APBB2: variants seen among roughly 807,000 people sequenced by gnomAD.
APBB2 encodes the protein amyloid beta precursor protein binding family B member 2, also known as Fe65-like 1.
Under a neutral mutation model 82.5 loss-of-function variants are expected in APBB2, and 38 were observed. That is an observed-to-expected ratio of 0.46 (90% CI 0.36 to 0.60). The LOEUF is 0.60. Among genes scored for constraint, APBB2 ranks in the 20% least tolerant of loss-of-function variants. The pLI is 0.00. For missense variants in APBB2, 772 were observed against 972.3 expected, an observed-to-expected ratio of 0.79 and a Z score of 2.74; for synonymous variants, 341 against 368.2, an observed-to-expected ratio of 0.93 and a Z score of 0.85.
At chr4:40,921,447 G>A (rs1425873568) in intron 10 of APBB2, among the ~76,000 whole-genome samples, 1 of 152,204 alleles carries the variant, frequency 6.6e-6, no homozygotes, top group Non-Finnish European at 1.5e-5. Context: ...AGAGCGACCA[G>A]CACACGGCTG....
intron 1 of APBB2, among the ~76,000 whole-genome samples, chr4:41,210,547 T>C (rs1779071014): frequency 2.0e-5 from 3 of 152,234 alleles, no homozygotes; most frequent in African/African-American, 7.2e-5. Context: ...GCATGCAGAA[T>C]ATGCACTAAT....
intron 3 of APBB2, among the ~76,000 whole-genome samples, chr4:41,099,017 T>A (rs966334838): frequency 6.6e-6 from 1 of 152,238 alleles, no homozygotes; most frequent in Non-Finnish European, 1.5e-5. Flanking sequence ...ACCTACAAAT[T>A]TCTATTTTTT....
At chr4:41,106,475 C>CTTTG (rs1250484003) in intron 2 of APBB2, among the ~76,000 whole-genome samples, 136 of 150,162 alleles carry the variant, frequency 9.1e-4, no homozygotes, top group African/African-American at 2.4e-3. Flanking sequence ...TTTTTTGTTT[C>CTTTG]TTTGTTTGTT....
At chr4:40,852,280 G>C (rs2154327086) in intron 12 of APBB2, among the ~76,000 whole-genome samples, 1 of 150,678 alleles carries the variant, frequency 6.6e-6, no homozygotes, top group East Asian at 2.0e-4. Flanking sequence ...GAACCCGGGA[G>C]GCGAAGGCTG....
intron 10 of APBB2, among the ~76,000 whole-genome samples, chr4:40,933,930 T>A (rs567511525): frequency 2.0e-5 from 3 of 152,354 alleles, no homozygotes; most frequent in Admixed American, 2.0e-4. Flanking sequence ...CTGGCTCTGT[T>A]AGCAACCTAC....
intron 10 of APBB2, among the ~76,000 whole-genome samples, chr4:40,894,435 T>C (rs1241751627): frequency 6.6e-6 from 1 of 152,118 alleles, no homozygotes; most frequent in Non-Finnish European, 1.5e-5. Flanking sequence ...GGTAAGCACC[T>C]AGAAACAGTG....
Position 41,021,117 on chromosome 4 carries a change from GC to G in APBB2, c.20-6720del, listed in dbSNP as rs1811367587. 2.6e-5 allele frequency among the ~76,000 whole-genome samples: 4 copies of G among 152,248 alleles called. No homozygotes were observed. In the South Asian group the frequency reaches 8.3e-4, roughly 32 times the overall value. Reference sequence around the variant, plus strand: ...CAAATTTGTTTCCTCTGGGATTGAGGCCGTCAAGCTACAGATGGTCTTACAA... The same window carrying G: ...CAAATTTGTTTCCTCTGGGATTGAGGCGTCAAGCTACAGATGGTCTTACAA... On this transcript the variant is annotated intron_variant, in intron 5 of 17. Transcript: ENST00000508593.
At chr4:40,958,410 T>G (rs1792234977) in intron 6 of APBB2, among the ~76,000 whole-genome samples, 1 of 152,304 alleles carries the variant, frequency 6.6e-6, no homozygotes, top group Admixed American at 6.5e-5. Context: ...TGAGTGAAGA[T>G]TTGTATTTTA....
chr4:41,026,683 GA>G (rs1372560435), intron 5 of APBB2, among the ~76,000 whole-genome samples: 3 of 152,152 alleles, frequency 2.0e-5, no homozygotes, highest in Non-Finnish European at 4.4e-5. Flanking sequence ...TTTATGGCTG[GA>G]TAATATTTCA....
Position 40,823,730 on chromosome 4 carries a change from T to C in APBB2, c.1846A>G (p.Asn616Asp). 20 of 1,613,664 alleles carry C rather than the reference T, an allele frequency of 1.2e-5. No individual in the cohort carries two copies. Among genetic ancestry groups the C allele is most frequent in the Non-Finnish European group, 1.7e-5 (20 of 1,179,884 alleles). ...GMDILNSAIE[N>D]LMTSSNKEDW... ...TCCTTGTTGGATGAGGTCATAAGAT[T>C]TTCTATGGCACTGTTCAAAATATCC... The change falls in exon 16 of 18, where the codon AAT becomes GAT. Residue 616 changes from asparagine (N) to aspartate (D), a missense_variant. Physicochemically the swap from Asn to Asp is conservative, Grantham distance 23. Transcript: ENST00000508593.
chr4:40,842,155 AAC>A (rs1756022191), intron 12 of APBB2, among the ~76,000 whole-genome samples: 1 of 152,250 alleles, frequency 6.6e-6, no homozygotes, highest in Non-Finnish European at 1.5e-5. Context: ...ACCAGGGTCA[AAC>A]ACAGTAGAGA....
At chr4:40,818,190 C>A (rs1004411086) in intron 17 of APBB2, among the ~76,000 whole-genome samples, 2 of 152,070 alleles carry the variant, frequency 1.3e-5, no homozygotes, top group Non-Finnish European at 2.9e-5. Context: ...GAGAATCATG[C>A]GGATTTGAAC....
chr4:41,178,440 T>C (rs148345375), intron 1 of APBB2, among the ~76,000 whole-genome samples: 1 of 152,192 alleles, frequency 6.6e-6, no homozygotes, highest in African/African-American at 2.4e-5. Flanking sequence ...CTTACAACAG[T>C]ATGTAATTCT....
intron 2 of APBB2, among the ~76,000 whole-genome samples, chr4:41,126,765 G>C (rs1754528891): frequency 6.6e-6 from 1 of 152,174 alleles, no homozygotes. Context: ...TGTCTTCACA[G>C]TGTCCTCCCA....
In APBB2 at chr4:41,076,826, T is replaced by C. The variant is rs574148167; in HGVS notation, c.-148-11153A>G. On this transcript the variant is annotated intron_variant, in intron 3 of 17. Coordinates refer to ENST00000508593, the MANE Select transcript of APBB2 (RefSeq NM_004307.2). ...AAGAACCCCAAGAGGGTAAAACATA[T>C]TGCATCCACAAAGCAATAAAGAATG... 2.6e-5 allele frequency among the ~76,000 whole-genome samples: 4 copies of C among 152,080 alleles called. No homozygotes were observed. In the East Asian group the frequency reaches 5.8e-4, roughly 22 times the overall value.
chr4:40,900,325 TGA>T (rs1246826760), intron 10 of APBB2, among the ~76,000 whole-genome samples: 1 of 152,100 alleles, frequency 6.6e-6, no homozygotes, highest in Non-Finnish European at 1.5e-5. Flanking sequence ...TGAGAGTATC[TGA>T]GAGTAGATAA....
Position 40,853,135 on chromosome 4 carries a change from C to T in APBB2, c.1530-22558G>A, listed in dbSNP as rs536981209. On this transcript the variant is annotated intron_variant, in intron 12 of 17. Coordinates refer to ENST00000508593, the MANE Select transcript of APBB2 (RefSeq NM_004307.2). ...CTACAGTCAACTTGGCGAGTTCAACCTCCACATTTCCCCCACCCACCTGCT... is the reference window on the plus strand; with the variant it reads ...CTACAGTCAACTTGGCGAGTTCAACTTCCACATTTCCCCCACCCACCTGCT... Among the ~76,000 whole-genome samples, 15 of 152,296 alleles carry T rather than the reference C, an allele frequency of 9.8e-5. No homozygotes were observed. In the Middle Eastern group the frequency reaches 0.01, roughly 104 times the overall value.
chr4:41,023,328 C>T (rs1712527936), intron 5 of APBB2, among the ~76,000 whole-genome samples: 1 of 152,142 alleles, frequency 6.6e-6, no homozygotes, highest in South Asian at 2.1e-4. Context: ...ATGTCTATGT[C>T]TTCTTCTAAA....
chr4:40,918,720 TCCTCCCTC>T (rs541666022), intron 10 of APBB2, among the ~76,000 whole-genome samples: 4 of 143,600 alleles, frequency 2.8e-5, no homozygotes, highest in East Asian at 2.0e-4. Context: ...CTTCCTTCCT[TCCTCCCTC>T]CCTCCCTCCC....
Sources: allele counts gnomAD v4.1 joint callset (sites outside exome capture counted in the v4.1 genomes callset), GRCh38; gene constraint gnomAD v4.1.1; transcripts MANE v1.5; gene names NCBI Gene and HGNC (gene_info 2026-07-23, HGNC 2026-07-21).